DPP10: variants seen among roughly 807,000 people sequenced by gnomAD.
DPP10 encodes the protein inactive dipeptidyl peptidase 10.
A neutral mutation model predicts 120.9 loss-of-function variants in DPP10; 33 were observed. The ratio of observed to expected loss-of-function variants is 0.27; its 90% CI spans 0.21 to 0.37. The LOEUF (loss-of-function observed/expected upper bound fraction) is 0.37, where lower values mean the gene tolerates loss of function less well. Ranked by LOEUF, DPP10 falls within the 10% of genes least tolerant of loss-of-function variation. DPP10 has a pLI of 1.00. For synonymous variants in DPP10, 337 were observed against 326.1 expected (o/e 1.03, Z -0.36); for missense variants, 816 against 942.8 (o/e 0.87, Z 1.76).
chr2:114,508,476 T>C (rs1424822919), intron 1 of DPP10, among the ~76,000 whole-genome samples: 1 of 152,226 alleles, frequency 6.6e-6, no homozygotes, highest in Non-Finnish European at 1.5e-5. Context: ...TATATCACAG[T>C]TTGTCTATTC....
chr2:114,706,784 G>A (rs901077516), intron 1 of DPP10, among the ~76,000 whole-genome samples: 2 of 152,198 alleles, frequency 1.3e-5, no homozygotes, highest in Non-Finnish European at 2.9e-5. Flanking sequence ...ATTAGCATGA[G>A]TGAAGGTCCA....
intron 5 of DPP10, among the ~76,000 whole-genome samples, chr2:115,582,066 T>C (rs963171989): frequency 6.6e-6 from 1 of 152,256 alleles, no homozygotes; most frequent in Non-Finnish European, 1.5e-5. Flanking sequence ...GTAAATAAAG[T>C]ACACTTGGAA....
chr2:114,513,539 A>G lies in DPP10; in HGVS notation c.60+70701A>G, dbSNP rs908125430. Among the ~76,000 whole-genome samples, 8 of 151,010 alleles carry G rather than the reference A, an allele frequency of 5.3e-5. No individual in the cohort carries two copies. In the South Asian group the frequency reaches 8.3e-4, roughly 16 times the overall value. ...TCTACCTCAAAAAAAAAAAAAAAAA[A>G]AAAAGAAACTAGAGCTTTACGAGAC... On this transcript the variant is annotated intron_variant, in intron 1 of 25. Coordinates refer to ENST00000410059, the MANE Select transcript of DPP10 (RefSeq NM_020868.6).
At chr2:114,873,615 G>A (rs1212735015) in intron 1 of DPP10, among the ~76,000 whole-genome samples, 1 of 152,114 alleles carries the variant, frequency 6.6e-6, no homozygotes, top group Non-Finnish European at 1.5e-5. Flanking sequence ...GGTCAAAGAG[G>A]TTGCTTCTGA....
intron 1 of DPP10, among the ~76,000 whole-genome samples, chr2:114,514,877 C>T (rs1047263152): frequency 6.6e-6 from 1 of 151,524 alleles, no homozygotes; most frequent in Non-Finnish European, 1.5e-5. Flanking sequence ...ACAGGAGTTA[C>T]CCATTACTCC....
At chr2:115,000,182 T>A (rs2104994431) in intron 1 of DPP10, among the ~76,000 whole-genome samples, 1 of 152,214 alleles carries the variant, frequency 6.6e-6, no homozygotes, top group Non-Finnish European at 1.5e-5. Flanking sequence ...TATTGGGCCC[T>A]CATTTTAATT....
intron 24 of DPP10, among the ~76,000 whole-genome samples, chr2:115,837,706 A>C (rs1689674366): frequency 6.6e-6 from 1 of 152,272 alleles, no homozygotes; most frequent in Non-Finnish European, 1.5e-5. Context: ...TGGGGATGGC[A>C]CTTTACCTCC....
At chr2:114,560,566 C>T (rs973765463) in intron 1 of DPP10, among the ~76,000 whole-genome samples, 1 of 152,066 alleles carries the variant, frequency 6.6e-6, no homozygotes, top group African/African-American at 2.4e-5. Flanking sequence ...TGGCACTGGT[C>T]CTGGGTGAGG....
Position 115,283,552 on chromosome 2 carries a change from A to G in DPP10, c.61-25687A>G, listed in dbSNP as rs113277444. Among the ~76,000 whole-genome samples, 859 of 152,142 alleles carry G rather than the reference A, an allele frequency of 5.6e-3. 1 individual carries two copies. Among genetic ancestry groups the G allele is most frequent in the Non-Finnish European group, 9.7e-3 (660 of 67,968 alleles). ...GATGTGAAGTATATAATAACATTTT[A>G]TTACTGGTTTTGGTTATTGGAGTTT... On this transcript the variant is annotated intron_variant, in intron 1 of 25. Transcript: ENST00000410059.
chr2:115,037,206 C>T (rs1169334772), intron 1 of DPP10, among the ~76,000 whole-genome samples: 3 of 152,150 alleles, frequency 2.0e-5, no homozygotes, highest in East Asian at 3.9e-4. Flanking sequence ...CATTTAGTTA[C>T]TACTTCCTAA....
At chr2:114,918,002 T>C (rs1694929131) in intron 1 of DPP10, among the ~76,000 whole-genome samples, 1 of 151,858 alleles carries the variant, frequency 6.6e-6, no homozygotes, top group Non-Finnish European at 1.5e-5. Context: ...AAAGAAACTA[T>C]CAACAGCATA....
intron 1 of DPP10, among the ~76,000 whole-genome samples, chr2:115,115,749 T>C (rs1026702897): frequency 1.3e-5 from 2 of 152,158 alleles, no homozygotes; most frequent in Admixed American, 6.6e-5. Flanking sequence ...TGTTTTATGG[T>C]GTTCTTCTCG....
chr2:115,334,030 A>C (rs1240659835), intron 2 of DPP10, among the ~76,000 whole-genome samples: 1 of 151,856 alleles, frequency 6.6e-6, no homozygotes, highest in East Asian at 1.9e-4. Flanking sequence ...GGTGTACTTG[A>C]AAGTGACGGG....
intron 5 of DPP10, among the ~76,000 whole-genome samples, chr2:115,547,552 C>T (rs1283200028): frequency 6.6e-6 from 1 of 152,060 alleles, no homozygotes; most frequent in Non-Finnish European, 1.5e-5. Flanking sequence ...GGCAGGTGAA[C>T]TCTTGGGCTC....
At chr2:115,703,419 G>C (rs1285329938) in intron 7 of DPP10, among the ~76,000 whole-genome samples, 1 of 151,944 alleles carries the variant, frequency 6.6e-6, no homozygotes, top group African/African-American at 2.4e-5. Flanking sequence ...AGAGGGAGAA[G>C]GATTTTAACG....
intron 5 of DPP10, among the ~76,000 whole-genome samples, chr2:115,582,424 C>G (rs2082051869): frequency 6.6e-6 from 1 of 152,186 alleles, no homozygotes; most frequent in Non-Finnish European, 1.5e-5. Flanking sequence ...TCATCACCAG[C>G]TTCAGGTGTT....
chr2:115,662,668 C>T, intron 5 of DPP10, among the ~76,000 whole-genome samples: 1 of 152,068 alleles, frequency 6.6e-6, no homozygotes, highest in East Asian at 1.9e-4. Flanking sequence ...AAAGGAAACC[C>T]TTGTACACTG....
intron 1 of DPP10, among the ~76,000 whole-genome samples, chr2:114,953,574 T>C (rs1338367038): frequency 6.6e-6 from 1 of 152,128 alleles, no homozygotes; most frequent in African/African-American, 2.4e-5. Context: ...GTTATTATTC[T>C]GAGCGAAGGT....
intron 1 of DPP10, among the ~76,000 whole-genome samples, chr2:114,531,772 G>C (rs1040393244): frequency 6.6e-6 from 1 of 151,922 alleles, no homozygotes; most frequent in Non-Finnish European, 1.5e-5. Flanking sequence ...ATGCTTATTT[G>C]CTTATTGTTA....
Sources: allele counts gnomAD v4.1 joint callset (sites outside exome capture counted in the v4.1 genomes callset), GRCh38; gene constraint gnomAD v4.1.1; transcripts MANE v1.5; gene names NCBI Gene and HGNC (gene_info 2026-07-23, HGNC 2026-07-21).